Variants in SPAG1 observed in about 807,000 individuals in gnomAD.
SPAG1 encodes the protein sperm-associated antigen 1.
A neutral mutation model predicts 100.5 loss-of-function variants in SPAG1; 69 were observed. The observed-to-expected ratio is 0.69, with a 90% CI of 0.57 to 0.84. SPAG1 has a LOEUF of 0.84. Among genes scored for constraint, SPAG1 ranks in the 40% least tolerant of loss-of-function variants. The probability of loss-of-function intolerance (pLI) is 0.00; values close to 1 mark genes in which losing one functional copy is unlikely to be tolerated. For synonymous variants in SPAG1, 336 were observed against 411.6 expected (o/e 0.82, Z 2.22); for missense variants, 955 against 1,133.1 (o/e 0.84, Z 2.26).
chr8:100,238,700 G>C (rs764773572), intron 16 of SPAG1, among the ~76,000 whole-genome samples: 2 of 152,166 alleles, frequency 1.3e-5, no homozygotes, highest in Non-Finnish European at 2.9e-5. Context: ...CAACCTGGAA[G>C]GATTTTATGG....
chr8:100,163,357 G>C (rs2132188537), intron 2 of SPAG1, among the ~76,000 whole-genome samples: 1 of 152,094 alleles, frequency 6.6e-6, no homozygotes, highest in East Asian at 1.9e-4. Flanking sequence ...ACTGTCCTGA[G>C]TACCACCAAC....
chr8:100,182,280 G>C (rs2132254093), intron 4 of SPAG1, among the ~76,000 whole-genome samples: 1 of 152,272 alleles, frequency 6.6e-6, no homozygotes, highest in Non-Finnish European at 1.5e-5. Flanking sequence ...TCTGTCTTTA[G>C]CAGTGGGAAT....
intron 12 of SPAG1, among the ~76,000 whole-genome samples, chr8:100,215,956 C>A (rs547318335): frequency 6.6e-6 from 1 of 152,312 alleles, no homozygotes; most frequent in South Asian, 2.1e-4. Flanking sequence ...TTCTCTTTGG[C>A]CTGACATCAG....
At chr8:100,177,714 A>G in intron 3 of SPAG1, 102 bp from the exon 4 acceptor site, 3 of 586,004 alleles carry the variant, frequency 5.1e-6, no homozygotes, top group South Asian at 5.9e-5. Context: ...AAGTGGACCA[A>G]TGCAGTTCAA....
At chr8:100,179,718 C>T (rs1586418907) in intron 4 of SPAG1, among the ~76,000 whole-genome samples, 1 of 152,090 alleles carries the variant, frequency 6.6e-6, no homozygotes, top group African/African-American at 2.4e-5. Context: ...TTAAAAATAC[C>T]TTTGATAAAA....
chr8:100,181,037 G>A (rs1270598200), intron 4 of SPAG1, among the ~76,000 whole-genome samples: 1 of 152,164 alleles, frequency 6.6e-6, no homozygotes, highest in Non-Finnish European at 1.5e-5. Context: ...AATGGATTAT[G>A]ACAGTAAATA....
intron 10 of SPAG1, among the ~76,000 whole-genome samples, chr8:100,202,146 T>C (rs966575895): frequency 5.9e-5 from 9 of 152,096 alleles, no homozygotes; most frequent in Non-Finnish European, 1.2e-4. Flanking sequence ...ATCTGCTGCT[T>C]GGTGCCTGGG....
chr8:100,239,157 A>G lies in SPAG1; in HGVS notation c.2116-83A>G. 3.7e-6 allele frequency: 3 copies of G among 816,378 alleles called. No individual in the cohort carries two copies. Among genetic ancestry groups the G allele is most frequent in the Non-Finnish European group, 3.9e-6 (2 of 513,708 alleles). 50.6% of individuals were successfully genotyped at this position (816,378 alleles called of 1,614,324 possible). Reference sequence around the variant, plus strand: ...ACCCTGCACACATACTGCACAGCTCACTACATCCACCCCACTCCCACTCAG... The same window carrying G: ...ACCCTGCACACATACTGCACAGCTCGCTACATCCACCCCACTCCCACTCAG... On this transcript the variant is annotated intron_variant, in intron 16 of 18. Coordinates refer to ENST00000388798, the MANE Select transcript of SPAG1 (RefSeq NM_003114.5). The surrounding 1 kb of genome is among the most constrained non-coding windows in gnomAD (Gnocchi z 5.0).
intron 10 of SPAG1, among the ~76,000 whole-genome samples, chr8:100,203,097 C>T (rs563697840): frequency 1.2e-4 from 19 of 152,250 alleles, no homozygotes; most frequent in African/African-American, 4.6e-4. Context: ...CTGGTGGGCA[C>T]AATCTAATCA....
intron 10 of SPAG1, among the ~76,000 whole-genome samples, chr8:100,206,738 C>T (rs769380096): frequency 6.6e-6 from 1 of 152,178 alleles, no homozygotes; most frequent in Non-Finnish European, 1.5e-5. Context: ...GACACAATGC[C>T]TGGTGTCACA....
chr8:100,231,334 A>G (rs1344620799), intron 15 of SPAG1, 46 bp downstream of exon 15: 1 of 1,260,846 alleles, frequency 7.9e-7, no homozygotes, highest in Non-Finnish European at 1.1e-6. Context: ...AATAGTTTTG[A>G]TTATTAAAAA....
At chr8:100,214,941 C>T (rs759189799) in intron 12 of SPAG1, among the ~76,000 whole-genome samples, 2 of 137,540 alleles carry the variant, frequency 1.5e-5, no homozygotes, top group African/African-American at 2.8e-5. Flanking sequence ...GATGCCACCA[C>T]TGCAGTCCAG....
intron 10 of SPAG1, among the ~76,000 whole-genome samples, chr8:100,212,392 A>T (rs576795591): frequency 6.6e-6 from 1 of 152,354 alleles, no homozygotes; most frequent in East Asian, 1.9e-4. Context: ...TATTGCTAAG[A>T]CACCATAAAT....
intron 3 of SPAG1, among the ~76,000 whole-genome samples, chr8:100,170,609 A>G (rs528203081): frequency 7.1e-4 from 108 of 152,126 alleles, no homozygotes; most frequent in Middle Eastern, 6.8e-3. Flanking sequence ...TAGATACCTA[A>G]TTTTAATTTC....
rs1375505510 is a variant in SPAG1, at chr8:100,177,901, C to T, written c.386C>T (p.Pro129Leu). The T allele has an allele frequency of 6.2e-7, 1 of 1,611,432 alleles. No homozygotes were observed. Residue 129 changes from proline (P) to leucine (L), a missense_variant, in exon 4 of 19, where the codon CCT becomes CTT. Transcript: ENST00000388798. ...TTTCCAGCAATGAAAGATAATTTGCCTCCAGTTCGTGGTTCAAACAGCTGT... is the reference window on the plus strand; with the variant it reads ...TTTCCAGCAATGAAAGATAATTTGCTTCCAGTTCGTGGTTCAAACAGCTGT... Reference protein sequence around the residue: ...ETFPAMKDNLPPVRGSNSCLH... With the variant: ...ETFPAMKDNLLPVRGSNSCLH...
chr8:100,188,243 C>G (rs1816670164), intron 8 of SPAG1, among the ~76,000 whole-genome samples: 1 of 152,060 alleles, frequency 6.6e-6, no homozygotes, highest in African/African-American at 2.4e-5. Context: ...CCTCCACTTC[C>G]CAGTCTCAAG....
intron 12 of SPAG1, among the ~76,000 whole-genome samples, chr8:100,217,467 G>C (rs534624630): frequency 5.9e-5 from 9 of 152,120 alleles, no homozygotes; most frequent in Admixed American, 3.9e-4. Context: ...GTTGGGGTTG[G>C]GGGGGTGTTG....
chr8:100,166,875 C>A (rs1266312352), intron 3 of SPAG1, among the ~76,000 whole-genome samples: 3 of 152,078 alleles, frequency 2.0e-5, no homozygotes, highest in Non-Finnish European at 2.9e-5. Context: ...TCATTGCACT[C>A]CGGCCTGGGT....
intron 4 of SPAG1, among the ~76,000 whole-genome samples, chr8:100,179,731 A>C (rs1338270992): frequency 6.6e-6 from 1 of 152,266 alleles, no homozygotes; most frequent in Non-Finnish European, 1.5e-5. Flanking sequence ...TGATAAAATA[A>C]TAGAATATTT....
Sources: allele counts gnomAD v4.1 joint callset (sites outside exome capture counted in the v4.1 genomes callset), GRCh38; gene constraint gnomAD v4.1.1; non-coding constraint Gnocchi (gnomAD v3.1); transcripts MANE v1.5; gene names NCBI Gene and HGNC (gene_info 2026-07-23, HGNC 2026-07-21).